KAT2B: variants seen among roughly 807,000 people sequenced by gnomAD.
The protein encoded by KAT2B is lysine acetyltransferase 2B.
A neutral mutation model predicts 105.9 loss-of-function variants in KAT2B; 36 were observed. The observed-to-expected ratio is 0.34, with a 90% CI of 0.26 to 0.45. The LOEUF (loss-of-function observed/expected upper bound fraction) is 0.45, where lower values mean the gene tolerates loss of function less well. KAT2B is among the 20% of genes least tolerant of loss of function. The pLI, the probability that KAT2B is intolerant of heterozygous loss-of-function variation, is 1.00. For missense variants in KAT2B, 820 were observed against 1,021.6 expected (o/e 0.80, Z 2.69); for synonymous variants, 397 against 377.9 (o/e 1.05, Z -0.59).
chr3:20,152,582 G>A lies in KAT2B; in HGVS notation c.*57G>A. On this transcript the variant is annotated 3_prime_UTR_variant, in exon 18 of 18. Coordinates refer to ENST00000263754, the MANE Select transcript of KAT2B (RefSeq NM_003884.5). ...CCAAGCAGTGTGCCTAAAGCAAGGT[G>A]GTTTAGTTTTTTACAAAGAATTGGA... 7.1e-7 allele frequency: 1 copy of A among 1,403,394 alleles called. No homozygotes were observed. Among genetic ancestry groups the A allele is most frequent in the Non-Finnish European group, 9.9e-7 (1 of 1,012,518 alleles). 86.9% of individuals were successfully genotyped at this position (1,403,394 alleles called of 1,614,324 possible).
chr3:20,125,666 G>A (rs553367742), intron 9 of KAT2B, among the ~76,000 whole-genome samples: 8 of 152,260 alleles, frequency 5.3e-5, no homozygotes, highest in South Asian at 4.2e-4. Context: ...AATATCATCC[G>A]TGTACACATA....
At chr3:20,077,734 C>T (rs1306980579) in intron 2 of KAT2B, among the ~76,000 whole-genome samples, 4 of 152,174 alleles carry the variant, frequency 2.6e-5, no homozygotes, top group Non-Finnish European at 4.4e-5. Context: ...CTAGTTCATT[C>T]TCTGAAATTA....
chr3:20,067,416 C>T (rs1698241609), intron 1 of KAT2B, among the ~76,000 whole-genome samples: 1 of 151,970 alleles, frequency 6.6e-6, no homozygotes, highest in South Asian at 2.1e-4. Flanking sequence ...TTTATGAGCC[C>T]CCAGTGAACA....
chr3:20,086,793 GA>G (rs978922804), intron 2 of KAT2B, among the ~76,000 whole-genome samples: 13 of 148,146 alleles, frequency 8.8e-5, no homozygotes, highest in Middle Eastern at 3.2e-3. Flanking sequence ...AAAACAAATA[GA>G]TTTTTTTTTT....
chr3:20,085,354 A>G (rs1271192007), intron 2 of KAT2B, among the ~76,000 whole-genome samples: 1 of 152,232 alleles, frequency 6.6e-6, no homozygotes, highest in African/African-American at 2.4e-5. Flanking sequence ...TAAGAAAAAG[A>G]TGACCCAGCA....
In KAT2B at chr3:20,040,584, C is replaced by A; in HGVS notation, c.107C>A (p.Pro36His). Residue 36 changes from proline (P) to histidine (H), a missense_variant, in exon 1 of 18, where the codon CCC (proline) becomes CAC (histidine). By Grantham distance (77) the Pro-to-His change is moderately conservative (BLOSUM62 -2). Around this residue, in one of 6 missense-constraint regions of KAT2B, gnomAD observed 190 missense variants for 176.7 expected, o/e 1.08. Coordinates refer to ENST00000263754, the MANE Select transcript of KAT2B (RefSeq NM_003884.5). ...CAGCCTGCGGCGCTTCCGCCCGCGC[C>A]CCCGCAGGGCTCCCCCTGCGCCGCT... ...PPQPAALPPA[P>H]PQGSPCAAAA... 2 of 1,173,736 alleles carry A rather than the reference C, an allele frequency of 1.7e-6. No homozygotes were observed. The highest frequency in any genetic ancestry group is 2.1e-6 in the Non-Finnish European group (2 of 950,212). The allele number at this position is 1,173,736 out of a possible 1,614,324, so 72.7% of individuals were successfully genotyped here. A position where few individuals can be genotyped will look rare whatever the true frequency, so the allele number is the denominator to read the frequency against.
intron 2 of KAT2B, among the ~76,000 whole-genome samples, chr3:20,077,469 T>C (rs1698439219): frequency 6.6e-6 from 1 of 152,238 alleles, no homozygotes; most frequent in South Asian, 2.1e-4. Flanking sequence ...TGCTGTACAA[T>C]ACGGTAGCCA....
At chr3:20,092,016 A>T (rs746288861) in intron 2 of KAT2B, among the ~76,000 whole-genome samples, 4 of 152,126 alleles carry the variant, frequency 2.6e-5, no homozygotes, top group Non-Finnish European at 5.9e-5. Flanking sequence ...AGAAAATTTC[A>T]TGTGCACTTG....
chr3:20,083,422 A>C (rs1698555280), intron 2 of KAT2B, among the ~76,000 whole-genome samples: 2 of 152,152 alleles, frequency 1.3e-5, no homozygotes, highest in Admixed American at 6.5e-5. Flanking sequence ...GTTTAATATG[A>C]ATTGATTGTC....
chr3:20,063,804 G>T (rs1264609346), intron 1 of KAT2B, among the ~76,000 whole-genome samples: 1 of 151,560 alleles, frequency 6.6e-6, no homozygotes, highest in Non-Finnish European at 1.5e-5. Flanking sequence ...GCCTCCCCAA[G>T]TGCTGGGATT....
intron 1 of KAT2B, among the ~76,000 whole-genome samples, chr3:20,045,076 G>A (rs1465388821): frequency 1.3e-5 from 2 of 152,024 alleles, no homozygotes; most frequent in East Asian, 1.9e-4. Context: ...GTACAGTGGC[G>A]TGATCTTGGC....
At chr3:20,080,413 G>A (rs1208633308) in intron 2 of KAT2B, among the ~76,000 whole-genome samples, 1 of 152,152 alleles carries the variant, frequency 6.6e-6, no homozygotes, top group East Asian at 1.9e-4. Context: ...AGGCTTGACT[G>A]CAGAACTCTG....
intron 13 of KAT2B, among the ~76,000 whole-genome samples, chr3:20,141,386 T>A (rs1268151607): frequency 6.6e-6 from 1 of 151,872 alleles, no homozygotes; most frequent in Non-Finnish European, 1.5e-5. Context: ...AAAACACTCA[T>A]GATGAAAAGA....
intron 9 of KAT2B, among the ~76,000 whole-genome samples, chr3:20,123,407 C>A (rs1396259651): frequency 6.6e-6 from 1 of 152,120 alleles, no homozygotes; most frequent in East Asian, 1.9e-4. Flanking sequence ...AGCCTGCAAG[C>A]CAAATCTGCT....
At chr3:20,081,940 C>T (rs1344980879) in intron 2 of KAT2B, among the ~76,000 whole-genome samples, 7 of 142,560 alleles carry the variant, frequency 4.9e-5, no homozygotes, top group African/African-American at 1.1e-4. Flanking sequence ...TGAGTCTCTA[C>T]GTATAAATTT....
chr3:20,075,253 G>T (rs920350748), intron 2 of KAT2B, among the ~76,000 whole-genome samples: 1 of 151,990 alleles, frequency 6.6e-6, no homozygotes, highest in Non-Finnish European at 1.5e-5. Context: ...GATATTGCGA[G>T]ACTCTGTCTC....
At position 20,073,724 on chromosome 3, in the gene KAT2B, AT is replaced by A. The variant is rs201184924; in HGVS notation, c.430+1266del. Among the ~76,000 whole-genome samples the A allele has an allele frequency of 2.8e-4, 15 of 53,118 alleles. No homozygotes were observed. In the East Asian group the frequency reaches 5.8e-3, roughly 21 times the overall value. The allele number at this position is 53,118 out of a possible 152,430, so 34.8% of individuals were successfully genotyped here. On this transcript the variant is annotated intron_variant, in intron 2 of 17. Coordinates refer to ENST00000263754, the MANE Select transcript of KAT2B (RefSeq NM_003884.5). ...ATAATTTACCTTTTTAAAAAAATAA[AT>A]AAATAAAACAGAACGAAACAAAACA...
intron 1 of KAT2B, among the ~76,000 whole-genome samples, chr3:20,056,185 A>G (rs1194105976): frequency 6.6e-6 from 1 of 152,178 alleles, no homozygotes; most frequent in Non-Finnish European, 1.5e-5. Context: ...GTATGAGTAG[A>G]TGGTGTCTTG....
intron 1 of KAT2B, among the ~76,000 whole-genome samples, chr3:20,048,886 T>G (rs548815222): frequency 1.6e-3 from 243 of 152,248 alleles, no homozygotes; most frequent in African/African-American, 5.7e-3. Flanking sequence ...CTTTTCTTTT[T>G]TTTGAGACGG....
Sources: gnomAD v4.1 joint callset for allele counts (sites outside exome capture counted in the v4.1 genomes callset) on GRCh38, gnomAD v4.1.1 for gene constraint, gnomAD v4.1.1 regional missense constraint, MANE v1.5 for transcripts, NCBI Gene and HGNC (gene_info 2026-07-23, HGNC 2026-07-21) for gene names.